Variants in DOCK3 observed in about 807,000 individuals in gnomAD.
DOCK3 encodes dedicator of cytokinesis 3.
DOCK3 carries 60 observed loss-of-function variants against 265.6 expected under a neutral mutation model. That is an observed-to-expected ratio of 0.23 (90% CI 0.18 to 0.28). The LOEUF (loss-of-function observed/expected upper bound fraction) is 0.28, where lower values mean the gene tolerates loss of function less well. Among genes scored for constraint, DOCK3 ranks in the 10% least tolerant of loss-of-function variants. The probability of loss-of-function intolerance (pLI) is 1.00; values close to 1 mark genes in which losing one functional copy is unlikely to be tolerated. For synonymous variants in DOCK3, 881 were observed against 938.0 expected (o/e 0.94, Z 1.11); for missense variants, 1,981 against 2,594.3 (o/e 0.76, Z 5.14).
chr3:50,736,072 C>T (rs2038582331), intron 1 of DOCK3, among the ~76,000 whole-genome samples: 1 of 152,112 alleles, frequency 6.6e-6, no homozygotes, highest in Non-Finnish European at 1.5e-5. Flanking sequence ...CACAATGGGC[C>T]CTGGTGTGTG....
chr3:51,302,811 T>C (rs2082428809), intron 27 of DOCK3, among the ~76,000 whole-genome samples: 1 of 152,222 alleles, frequency 6.6e-6, no homozygotes, highest in African/African-American at 2.4e-5. Context: ...TGGGCTTCCC[T>C]TTGTAGGTGA....
At chr3:50,789,279 T>G (rs1161050732) in intron 2 of DOCK3, among the ~76,000 whole-genome samples, 6 of 152,202 alleles carry the variant, frequency 3.9e-5, no homozygotes, top group Admixed American at 3.9e-4. Flanking sequence ...TGTATTTTCA[T>G]GGTTTTGAGG....
At chr3:50,976,449 G>A (rs1198208315) in intron 5 of DOCK3, among the ~76,000 whole-genome samples, 1,343 of 106,534 alleles carry the variant, frequency 0.013, 5 homozygotes, top group African/African-American at 0.026. Flanking sequence ...GTAGTTGAGC[G>A]GTTTTGAGTG....
intron 6 of DOCK3, among the ~76,000 whole-genome samples, chr3:51,067,518 TC>T (rs2081646956): frequency 6.7e-6 from 1 of 150,038 alleles, no homozygotes. Flanking sequence ...AAAACACAGT[TC>T]CATTCCCCTC....
intron 2 of DOCK3, among the ~76,000 whole-genome samples, chr3:50,839,883 C>G (rs986249380): frequency 2.6e-5 from 4 of 151,188 alleles, no homozygotes; most frequent in African/African-American, 2.4e-5. Context: ...ATTCTCCTGC[C>G]TCAGCCTCCT....
chr3:51,227,166 T>C (rs1000465660), intron 15 of DOCK3, 117 bp from the exon 16 acceptor site: 3 of 1,158,126 alleles, frequency 2.6e-6, no homozygotes. Context: ...ATCTCATAGA[T>C]TTTGCTTAGA....
intron 6 of DOCK3, among the ~76,000 whole-genome samples, chr3:51,073,832 C>A (rs2081967598): frequency 6.6e-6 from 1 of 152,064 alleles, no homozygotes. Context: ...ATCCTAGTAA[C>A]CATTTTAGCC....
At chr3:50,720,514 A>G (rs1288812955) in intron 1 of DOCK3, among the ~76,000 whole-genome samples, 1 of 152,134 alleles carries the variant, frequency 6.6e-6, no homozygotes, top group Non-Finnish European at 1.5e-5. Flanking sequence ...TGTATATGTA[A>G]CACATTTTCT....
intron 5 of DOCK3, among the ~76,000 whole-genome samples, chr3:51,047,231 G>C (rs2080810780): frequency 7.1e-6 from 1 of 140,174 alleles, no homozygotes; most frequent in Admixed American, 7.2e-5. Context: ...GACACAGGAT[G>C]GGGAACATCA....
At chr3:51,274,221 A>G (rs550968697) in intron 24 of DOCK3, among the ~76,000 whole-genome samples, 5 of 152,218 alleles carry the variant, frequency 3.3e-5, no homozygotes, top group Admixed American at 6.5e-5. Flanking sequence ...TCATGCTTCA[A>G]TTGTGTTCAT....
intron 27 of DOCK3, among the ~76,000 whole-genome samples, chr3:51,294,881 C>G (rs1312284889): frequency 6.6e-6 from 1 of 151,968 alleles, no homozygotes; most frequent in Non-Finnish European, 1.5e-5. Flanking sequence ...ATAGCTAAAA[C>G]AGTATTTTCA....
chr3:50,983,381 A>G (rs1325331049), intron 5 of DOCK3, among the ~76,000 whole-genome samples: 1 of 152,014 alleles, frequency 6.6e-6, no homozygotes, highest in Non-Finnish European at 1.5e-5. Flanking sequence ...AACTTGTGGT[A>G]CCTTTTCTGG....
chr3:51,346,646 A>G (rs2085602155), intron 38 of DOCK3, among the ~76,000 whole-genome samples: 1 of 152,050 alleles, frequency 6.6e-6, no homozygotes, highest in African/African-American at 2.4e-5. Context: ...TCCTTTGGGT[A>G]TATACCCAGT....
intron 5 of DOCK3, among the ~76,000 whole-genome samples, chr3:50,999,308 G>C (rs1245771831): frequency 1.3e-5 from 2 of 152,230 alleles, no homozygotes; most frequent in Non-Finnish European, 2.9e-5. Context: ...ATATGCTCTT[G>C]AAACTATGGC....
intron 3 of DOCK3, chr3:50,863,447 A>C (rs1227140319): frequency 3.8e-6 from 2 of 519,862 alleles, no homozygotes; most frequent in African/African-American, 1.9e-5. Flanking sequence ...CAGTTTGGTG[A>C]TTCATAGAAT....
intron 2 of DOCK3, among the ~76,000 whole-genome samples, chr3:50,799,856 A>C (rs1054650687): frequency 1.3e-5 from 2 of 152,026 alleles, no homozygotes; most frequent in African/African-American, 4.8e-5. Flanking sequence ...TGGCCTTTGT[A>C]TATTGAGATG....
At chr3:51,333,332 C>T (rs2084653614) in intron 35 of DOCK3, 79 bp downstream of exon 35, 4 of 1,395,294 alleles carry the variant, frequency 2.9e-6, no homozygotes, top group Non-Finnish European at 4.0e-6. Flanking sequence ...GACCTGAAAA[C>T]TGAGACCATG....
chr3:50,920,837 T>C (rs562138022), intron 4 of DOCK3, among the ~76,000 whole-genome samples: 2 of 152,306 alleles, frequency 1.3e-5, no homozygotes, highest in South Asian at 2.1e-4. Context: ...TTAATTGTGA[T>C]GTTAGGGTGT....
chr3:50,901,106 G>C (rs1202729472), intron 4 of DOCK3: 1 of 250,940 alleles, frequency 4.0e-6, no homozygotes, highest in Non-Finnish European at 8.0e-6. Context: ...CTCTGTCCCA[G>C]GGAGATGGGA....
Sources: gnomAD v4.1 joint callset for allele counts (sites outside exome capture counted in the v4.1 genomes callset) on GRCh38, gnomAD v4.1.1 for gene constraint, MANE v1.5 for transcripts, NCBI Gene and HGNC (gene_info 2026-07-23, HGNC 2026-07-21) for gene names.